The following CDH2 variants were observed in gnomAD, a reference collection of about 807,000 sequenced individuals.
CDH2 encodes the protein cadherin 2.
In CDH2, 17 loss-of-function variants were observed where a neutral mutation model predicts 92.0. The observed-to-expected ratio is 0.18, with a 90% confidence interval of 0.13 to 0.28. The LOEUF is 0.28. CDH2 is among the 10% of genes least tolerant of loss of function. The probability of loss-of-function intolerance (pLI) is 1.00; values close to 1 mark genes in which losing one functional copy is unlikely to be tolerated. For synonymous variants in CDH2, 419 were observed against 415.9 expected, an observed-to-expected ratio of 1.01 and a Z score of -0.09; for missense variants, 862 against 1,133.1, an observed-to-expected ratio of 0.76 and a Z score of 3.44.
chr18:28,133,813 C>T (rs1000964014), intron 2 of CDH2, among the ~76,000 whole-genome samples: 4 of 151,904 alleles, frequency 2.6e-5, no homozygotes, highest in African/African-American at 9.7e-5. Context: ...AACTGCAAAA[C>T]CGTGATGCTG....
At chr18:28,153,094 AG>A (rs2016150870) in intron 1 of CDH2, among the ~76,000 whole-genome samples, 1 of 152,184 alleles carries the variant, frequency 6.6e-6, no homozygotes. Flanking sequence ...GTGGAAGTCA[AG>A]GAAGACTCCA....
chr18:28,042,506 C>G (rs1361073139), intron 2 of CDH2, among the ~76,000 whole-genome samples: 3 of 152,064 alleles, frequency 2.0e-5, no homozygotes, highest in African/African-American at 7.2e-5. Flanking sequence ...ATGTTGAAAA[C>G]AAGGAGACAA....
intron 2 of CDH2, among the ~76,000 whole-genome samples, chr18:28,122,795 T>C (rs1161756071): frequency 8.5e-5 from 13 of 152,170 alleles, no homozygotes; most frequent in African/African-American, 2.2e-4. Flanking sequence ...TAAACACTTA[T>C]TGCCTATGAG....
chr18:27,966,264 AC>A (rs2011532506), intron 14 of CDH2, among the ~76,000 whole-genome samples: 1 of 152,186 alleles, frequency 6.6e-6, no homozygotes, highest in Non-Finnish European at 1.5e-5. Context: ...TAAATTACAC[AC>A]AAAAAGGTAA....
chr18:28,029,725 C>T (rs1172589247), intron 2 of CDH2, among the ~76,000 whole-genome samples: 1 of 152,070 alleles, frequency 6.6e-6, no homozygotes, highest in Non-Finnish European at 1.5e-5. Context: ...AGCTCCACAT[C>T]ACGTGTTTTA....
At chr18:27,986,027 C>T (rs1228425) in intron 11 of CDH2, among the ~76,000 whole-genome samples, 150,300 of 152,174 alleles carry the variant, frequency 0.99, 74,265 homozygotes, top group East Asian at 1. Context: ...ATCCCGTACC[C>T]TCCCTGCCCC....
chr18:28,081,721 A>G (rs2014833443), intron 2 of CDH2, among the ~76,000 whole-genome samples: 1 of 152,216 alleles, frequency 6.6e-6, no homozygotes, highest in South Asian at 2.1e-4. Context: ...ATGATGTTGC[A>G]TTTATAAAAC....
At chr18:28,129,582 C>G (rs921043675) in intron 2 of CDH2, among the ~76,000 whole-genome samples, 7 of 152,284 alleles carry the variant, frequency 4.6e-5, no homozygotes, top group Admixed American at 1.3e-4. Flanking sequence ...AATCCAAGAA[C>G]TCTGGCAGGC....
chr18:28,000,150 C>T (rs2012720415), intron 7 of CDH2, among the ~76,000 whole-genome samples: 1 of 152,124 alleles, frequency 6.6e-6, no homozygotes, highest in African/African-American at 2.4e-5. Flanking sequence ...GCCACTCAGG[C>T]TGCAGTGCAG....
At chr18:28,006,242 G>A (rs1276186106) in intron 5 of CDH2, among the ~76,000 whole-genome samples, 5 of 152,072 alleles carry the variant, frequency 3.3e-5, no homozygotes, top group African/African-American at 7.2e-5. Flanking sequence ...TTTAATTCAC[G>A]TACAAAAGAG....
At position 28,024,640 on chromosome 18, in the gene CDH2, A is replaced by G. The variant is rs145011327; in HGVS notation, c.173-10731T>C. ...TTCTACATTCCTAGATAACCAAAAT[A>G]TATTTTGAAAACCATCAGTTTCTGG... On this transcript the variant is annotated intron_variant, in intron 2 of 15. Coordinates refer to ENST00000269141, the MANE Select transcript of CDH2 (RefSeq NM_001792.5). 1.6e-3 allele frequency among the ~76,000 whole-genome samples: 247 copies of G among 151,812 alleles called. 3 individuals carry two copies. Among genetic ancestry groups the G allele is most frequent in the Non-Finnish European group, 2.8e-3 (190 of 67,884 alleles).
chr18:28,155,942 A>G (rs750160587), intron 1 of CDH2, among the ~76,000 whole-genome samples: 2 of 152,184 alleles, frequency 1.3e-5, no homozygotes, highest in Non-Finnish European at 2.9e-5. Context: ...CATCCCTGCA[A>G]AAATGCTTAA....
chr18:28,015,735 A>C (rs547070712), intron 2 of CDH2, among the ~76,000 whole-genome samples: 34 of 152,306 alleles, frequency 2.2e-4, no homozygotes, highest in Admixed American at 1.9e-3. Flanking sequence ...CTGTTACATA[A>C]GCCTCCTGGG....
chr18:27,945,323 ATTTTTTTTTTTTTTT>A (rs66537834), intron 6 of CDH2, among the ~76,000 whole-genome samples: 3 of 66,460 alleles, frequency 4.5e-5, no homozygotes, highest in Admixed American at 2.5e-4. Flanking sequence ...AGGAAGGAAG[ATTTTTTTTTTTTTTT>A]TTTTTTTTTT....
At chr18:28,108,088 AT>A (rs903074774) in intron 2 of CDH2, among the ~76,000 whole-genome samples, 9 of 151,100 alleles carry the variant, frequency 6.0e-5, no homozygotes, top group African/African-American at 2.2e-4. Flanking sequence ...TAACCTTCCC[AT>A]TTTTTTTTCC....
chr18:27,952,197 G>A lies in CDH2; in HGVS notation c.2677C>T (p.Arg893Trp), dbSNP rs753251005. ...TACATGTCAGCAAGTTTCTTGAACC[G>A]TGGCCCCCAGTCGTTCAGGTAATCA... ...DYDYLNDWGP[R>W]FKKLADMYGG... Residue 893 changes from arginine to tryptophan, a missense_variant, in exon 16 of 16, where the codon CGG (arginine) becomes TGG (tryptophan). Transcript: ENST00000269141. The A allele has an allele frequency of 5.0e-6, 8 of 1,613,564 alleles. No homozygotes were observed. The highest frequency in any genetic ancestry group is 2.2e-5 in the East Asian group (1 of 44,854).
intron 15 of CDH2, among the ~76,000 whole-genome samples, chr18:27,962,762 CATA>C (rs755017579): frequency 6.6e-6 from 1 of 152,190 alleles, no homozygotes; most frequent in Non-Finnish European, 1.5e-5. Context: ...TAAAGAATGT[CATA>C]ATAATTTTGA....
In CDH2 at chr18:27,992,809, T is replaced by G; in HGVS notation, c.1190A>C (p.Asp397Ala). 6.2e-7 allele frequency: 1 copy of G among 1,613,678 alleles called. No individual in the cohort carries two copies. The highest frequency in any genetic ancestry group is 8.5e-7 in the Non-Finnish European group (1 of 1,179,772). The change falls in exon 9 of 16, where the codon GAC (aspartate) becomes GCC (alanine). Residue 397 changes from aspartate to alanine, a missense_variant. Asp to Ala is a moderately radical substitution (Grantham distance 126, BLOSUM62 -2). Coordinates refer to ENST00000269141, the MANE Select transcript of CDH2 (RefSeq NM_001792.5). The part of the protein sequence containing the change: ...FYGEVPENRV[D>A]IIVANLTVTD... ...CACAGTTAGATTAGCTACTATGATGTCTACCCTGTTCTCAGGAACTTCACC... is the reference window on the plus strand; with the variant it reads ...CACAGTTAGATTAGCTACTATGATGGCTACCCTGTTCTCAGGAACTTCACC...
At chr18:28,080,206 T>C (rs1186323782) in intron 2 of CDH2, among the ~76,000 whole-genome samples, 1 of 152,072 alleles carries the variant, frequency 6.6e-6, no homozygotes, top group Non-Finnish European at 1.5e-5. Context: ...GAATTAGCAA[T>C]AAAGAGGAAG....
Sources: gnomAD v4.1 joint callset for allele counts (sites outside exome capture counted in the v4.1 genomes callset) on GRCh38, gnomAD v4.1.1 for gene constraint, MANE v1.5 for transcripts, NCBI Gene and HGNC (gene_info 2026-07-23, HGNC 2026-07-21) for gene names.